The following LRRK2 variants were observed in gnomAD, a reference collection of about 807,000 sequenced individuals.
LRRK2 encodes leucine-rich repeat serine/threonine-protein kinase 2.
In LRRK2, 203 loss-of-function variants were observed where a neutral mutation model predicts 302.6. The observed-to-expected ratio is 0.67, with a 90% CI of 0.60 to 0.75. The LOEUF (loss-of-function observed/expected upper bound fraction) is 0.75, where lower values mean the gene tolerates loss of function less well. LRRK2 is among the 30% of genes least tolerant of loss of function. The pLI is 0.00. For missense variants in LRRK2, 2,830 were observed against 2,951.0 expected (o/e 0.96, Z 0.95); for synonymous variants, 1,066 against 1,031.9 (o/e 1.03, Z -0.63).
chr12:40,289,162 ATAT>A (rs1433501122), intron 20 of LRRK2, among the ~76,000 whole-genome samples: 2 of 151,750 alleles, frequency 1.3e-5, no homozygotes, highest in East Asian at 1.9e-4. Context: ...CTTGTTGAAA[ATAT>A]TATATAATTC....
intron 3 of LRRK2, among the ~76,000 whole-genome samples, chr12:40,234,537 C>G (rs1941361045): frequency 6.6e-6 from 1 of 151,358 alleles, no homozygotes; most frequent in Non-Finnish European, 1.5e-5. Flanking sequence ...CGCCACCACG[C>G]CCAGCTAATT....
intron 47 of LRRK2, among the ~76,000 whole-genome samples, chr12:40,360,145 C>T (rs1946660913): frequency 1.3e-5 from 2 of 152,110 alleles, no homozygotes. Context: ...AATAACCTTT[C>T]ACATCTTCAG....
At chr12:40,288,961 A>G (rs1450488628) in intron 20 of LRRK2, among the ~76,000 whole-genome samples, 2 of 151,692 alleles carry the variant, frequency 1.3e-5, no homozygotes, top group Non-Finnish European at 3.0e-5. Context: ...TGCTTTTTGT[A>G]TCCCACTTAA....
At chr12:40,311,711 G>C (rs1262003147) in intron 31 of LRRK2, among the ~76,000 whole-genome samples, 1 of 152,102 alleles carries the variant, frequency 6.6e-6, no homozygotes, top group Non-Finnish European at 1.5e-5. Context: ...AAAACCTAAT[G>C]AGCCATTTGT....
At chr12:40,363,824 G>A (rs932613241) in intron 48 of LRRK2, among the ~76,000 whole-genome samples, 10 of 152,006 alleles carry the variant, frequency 6.6e-5, no homozygotes, top group Non-Finnish European at 1.5e-4. Flanking sequence ...TTGAAAATGA[G>A]CATATTGGAG....
chr12:40,310,515 A>G lies in LRRK2; in HGVS notation c.4402A>G (p.Lys1468Glu), dbSNP rs281865050. Residue 1468 changes from lysine to glutamate, a missense_variant, in exon 31 of 51, where the codon AAA becomes GAA. Lys to Glu is a moderately conservative substitution (Grantham distance 56). Coordinates refer to ENST00000298910, the MANE Select transcript of LRRK2 (RefSeq NM_198578.4). Reference protein sequence around the residue: ...DEKQRKACMSKITKELLNKRG... With the variant: ...DEKQRKACMSEITKELLNKRG... Reference sequence around the variant, plus strand: ...GAAGCAACGCAAAGCCTGCATGAGTAAAATCACCAAGGAACTCCTGAATAA... The same window carrying G: ...GAAGCAACGCAAAGCCTGCATGAGTGAAATCACCAAGGAACTCCTGAATAA... 9 of 1,613,012 alleles carry G rather than the reference A, an allele frequency of 5.6e-6. No individual in the cohort carries two copies. Among genetic ancestry groups the G allele is most frequent in the Non-Finnish European group, 6.8e-6 (8 of 1,179,752 alleles).
At chr12:40,335,470 G>A (rs1945839983) in intron 40 of LRRK2, among the ~76,000 whole-genome samples, 1 of 152,160 alleles carries the variant, frequency 6.6e-6, no homozygotes, top group African/African-American at 2.4e-5. Flanking sequence ...ATCAAAGTAA[G>A]TGTCAATTAC....
intron 38 of LRRK2, among the ~76,000 whole-genome samples, chr12:40,325,811 A>G (rs1945530080): frequency 6.6e-6 from 1 of 152,232 alleles, no homozygotes; most frequent in Non-Finnish European, 1.5e-5. Context: ...AGCAGTAACT[A>G]TTATGCAGTG....
chr12:40,231,390 CAAAA>C (rs10631840), intron 2 of LRRK2, among the ~76,000 whole-genome samples: 4 of 106,702 alleles, frequency 3.7e-5, no homozygotes, highest in African/African-American at 1.1e-4. Flanking sequence ...CCTGTCTTCA[CAAAA>C]AAAAAAAAAA....
intron 28 of LRRK2, among the ~76,000 whole-genome samples, chr12:40,307,568 A>G (rs1279827105): frequency 6.6e-6 from 1 of 151,892 alleles, no homozygotes; most frequent in Non-Finnish European, 1.5e-5. Context: ...ATCCATATAT[A>G]CTATTATATG....
At chr12:40,252,681 T>C (rs1349922417) in intron 10 of LRRK2, among the ~76,000 whole-genome samples, 1 of 152,148 alleles carries the variant, frequency 6.6e-6, no homozygotes, top group African/African-American at 2.4e-5. Flanking sequence ...CTTTTTTATT[T>C]CTCTCTGCTG....
At chr12:40,339,561 T>G (rs531300354) in intron 40 of LRRK2, among the ~76,000 whole-genome samples, 39 of 152,302 alleles carry the variant, frequency 2.6e-4, no homozygotes, top group South Asian at 2.3e-3. Context: ...TCCAGAAGGT[T>G]GGACTTTAAT....
intron 31 of LRRK2, among the ~76,000 whole-genome samples, chr12:40,311,576 C>T (rs1945039803): frequency 6.6e-6 from 1 of 152,104 alleles, no homozygotes; most frequent in Non-Finnish European, 1.5e-5. Flanking sequence ...GTAATAGTGT[C>T]CCACTATATT....
rs774757697 is a variant in LRRK2, at chr12:40,252,887, C to G, written c.1182-23C>G. ...TAGTTATTTAAAAGATTACTACTAA[C>G]ATTTTGTTTGAATTTTTGAAAGTTT... On this transcript the variant is annotated intron_variant, in intron 10 of 50. Transcript: ENST00000298910. 8.1e-6 allele frequency: 12 copies of G among 1,481,198 alleles called. No individual in the cohort carries two copies. In the South Asian group the frequency reaches 1.4e-4, roughly 17 times the overall value. 91.8% of individuals were successfully genotyped at this position (1,481,198 alleles called of 1,614,324 possible).
At chr12:40,250,046 G>A (rs375514302) in intron 8 of LRRK2, 101 bp downstream of exon 8, 2 of 1,423,782 alleles carry the variant, frequency 1.4e-6, no homozygotes, top group African/African-American at 2.8e-5. Context: ...AGCATTCAAT[G>A]CCTTTTCTGT....
chr12:40,303,824 A>G (rs927594077), intron 26 of LRRK2, 124 bp from the exon 27 acceptor site: 18 of 889,604 alleles, frequency 2.0e-5, no homozygotes, highest in African/African-American at 9.9e-5. Flanking sequence ...GCATACTCAT[A>G]TGTCAATAAT....
At chr12:40,364,156 A>T (rs767680523) in intron 48 of LRRK2, among the ~76,000 whole-genome samples, 4 of 151,928 alleles carry the variant, frequency 2.6e-5, no homozygotes, top group Non-Finnish European at 4.4e-5. Flanking sequence ...TGATTTTACC[A>T]TATAGATCTA....
Position 40,368,909 on chromosome 12 carries a change from C to T in LRRK2, c.*1144C>T, listed in dbSNP as rs1565788216. ...CCTATGTAATAATTTGAGGTCATTT[C>T]TGCTTTAGGAAAAGTACTTTCGGTA... On this transcript the variant is annotated 3_prime_UTR_variant, in exon 51 of 51. Transcript: ENST00000298910. 1 of 151,828 alleles carries T rather than the reference C, an allele frequency of 6.6e-6. No individual in the cohort carries two copies. Among genetic ancestry groups the T allele is most frequent in the South Asian group, 2.1e-4 (1 of 4,834 alleles). The allele number at this position is 151,828 out of a possible 1,614,324, so 9.4% of individuals were successfully genotyped here.
chr12:40,275,090 A>T (rs1277382216), intron 16 of LRRK2, 97 bp downstream of exon 16: 11 of 1,308,000 alleles, frequency 8.4e-6, no homozygotes, highest in Non-Finnish European at 9.9e-6. Context: ...GGGGTATTCT[A>T]GTTAATGGAA....
Sources: gnomAD v4.1 joint callset for allele counts (sites outside exome capture counted in the v4.1 genomes callset) on GRCh38, gnomAD v4.1.1 for gene constraint, MANE v1.5 for transcripts, NCBI Gene and HGNC (gene_info 2026-07-23, HGNC 2026-07-21) for gene names.